The following SGK1 variants were observed in gnomAD, a reference collection of about 807,000 sequenced individuals.
The protein encoded by SGK1 is serum/glucocorticoid regulated kinase 1.
A neutral mutation model predicts 64.2 loss-of-function variants in SGK1; 26 were observed. That is an observed-to-expected ratio of 0.40 (90% CI 0.30 to 0.56). The LOEUF (loss-of-function observed/expected upper bound fraction) is 0.56. Among genes scored for constraint, SGK1 ranks in the 20% least tolerant of loss-of-function variants. The pLI is 0.38. For synonymous variants in SGK1, 265 were observed against 239.7 expected, an observed-to-expected ratio of 1.11 and a Z score of -0.98; for missense variants, 519 against 645.6, an observed-to-expected ratio of 0.80 and a Z score of 2.12.
At chr6:134,185,147 G>A (rs533408212) in intron 3 of SGK1, among the ~76,000 whole-genome samples, 3 of 152,326 alleles carry the variant, frequency 2.0e-5, no homozygotes, top group African/African-American at 7.2e-5. Context: ...GTATGCCATT[G>A]TAACCTGTTT....
At position 134,175,285 on chromosome 6, in the gene SGK1, G is replaced by A. The variant is rs374019115; in HGVS notation, c.362-699C>T. On this transcript the variant is annotated intron_variant, in intron 3 of 13. Transcript: ENST00000367858. The stretch of plus-strand genomic sequence containing the variant: ...CACGGTGGCTTCGCTCACTGTCCCT[G>A]CAGATACCCTCTCCCCGGCCAGGCG... Among the ~76,000 whole-genome samples the A allele has an allele frequency of 3.5e-4, 54 of 152,216 alleles. No homozygotes were observed. The East Asian group carries it at 8.2e-3, about 23-fold the overall frequency.
chr6:134,171,347 C>CGT (rs995295582), intron 11 of SGK1, 169 bp from the exon 12 acceptor site: 12 of 682,248 alleles, frequency 1.8e-5, no homozygotes, highest in Non-Finnish European at 3.0e-5. Flanking sequence ...CTTTGCAACC[C>CGT]GTGTGTGTGT....
intron 2 of SGK1, among the ~76,000 whole-genome samples, chr6:134,252,571 T>C (rs1458425399): frequency 1.6e-5 from 2 of 121,994 alleles, no homozygotes; most frequent in Non-Finnish European, 3.2e-5. Flanking sequence ...AAAAATTGAT[T>C]GCGCCACTGC....
intron 2 of SGK1, among the ~76,000 whole-genome samples, chr6:134,219,531 C>A (rs190698658): frequency 6.6e-6 from 1 of 151,956 alleles, no homozygotes; most frequent in Non-Finnish European, 1.5e-5. Flanking sequence ...GAGGCTGAGG[C>A]GAGCAGATCA....
intron 2 of SGK1, among the ~76,000 whole-genome samples, chr6:134,244,834 G>C (rs1284567696): frequency 2.0e-5 from 3 of 152,188 alleles, no homozygotes; most frequent in African/African-American, 7.2e-5. Context: ...GGAGTGCAAT[G>C]GCGCAATCTT....
intron 3 of SGK1, among the ~76,000 whole-genome samples, chr6:134,201,430 C>T (rs543851072): frequency 1.5e-4 from 23 of 151,902 alleles, no homozygotes; most frequent in Non-Finnish European, 2.4e-4. Flanking sequence ...GGCCCAATCT[C>T]GGCTCATTGC....
chr6:134,271,082 C>T (rs1279028854), intron 1 of SGK1, among the ~76,000 whole-genome samples: 6 of 144,486 alleles, frequency 4.2e-5, no homozygotes, highest in Non-Finnish European at 1.5e-5. Context: ...TTTGGGAGGC[C>T]GAGGCAGGCA....
intron 3 of SGK1, among the ~76,000 whole-genome samples, chr6:134,206,362 TATATATATATATATATATATA>T (rs1562250293): frequency 2.4e-3 from 17 of 6,964 alleles, no homozygotes; most frequent in African/African-American, 6.0e-3. Flanking sequence ...TATATATATA[TATATATATATATATATATATA>T]TTTTTTTTTT....
chr6:134,186,165 A>G (rs1374578211), intron 3 of SGK1, among the ~76,000 whole-genome samples: 2 of 152,222 alleles, frequency 1.3e-5, no homozygotes, highest in Admixed American at 1.3e-4. Context: ...GCCATTACAC[A>G]TCTCTTTGTA....
intron 4 of SGK1, 54 bp downstream of exon 4, chr6:134,174,457 C>T (rs2114639761): frequency 2.2e-6 from 3 of 1,346,358 alleles, no homozygotes; most frequent in South Asian, 1.2e-5. Flanking sequence ...AGAATGTTTA[C>T]CGCTGGCAAA....
At chr6:134,173,828 AAAAT>A (rs1366699615) in intron 5 of SGK1, 173 bp downstream of exon 5, 1 of 599,198 alleles carries the variant, frequency 1.7e-6, no homozygotes, top group African/African-American at 1.9e-5. Flanking sequence ...GCCCAGGAAA[AAAAT>A]AAAATAATAC....
intron 2 of SGK1, among the ~76,000 whole-genome samples, chr6:134,220,115 TAATTA>T (rs1280872447): frequency 1.4e-5 from 2 of 140,562 alleles, no homozygotes; most frequent in East Asian, 4.2e-4. Flanking sequence ...AAAACACATA[TAATTA>T]AATTATTAAG....
intron 3 of SGK1, among the ~76,000 whole-genome samples, chr6:134,185,566 G>A (rs1032371475): frequency 6.6e-6 from 1 of 151,534 alleles, no homozygotes; most frequent in East Asian, 1.9e-4. Context: ...GTGTGTGTGT[G>A]TGTGTGTGTG....
chr6:134,208,021 C>T (rs1775821962), intron 2 of SGK1, among the ~76,000 whole-genome samples: 1 of 152,184 alleles, frequency 6.6e-6, no homozygotes, highest in Admixed American at 6.5e-5. Context: ...AAGCGATTCT[C>T]CTGCCTCAGC....
chr6:134,174,871 G>C (rs749857691), intron 3 of SGK1: 37 of 1,609,518 alleles, frequency 2.3e-5, no homozygotes, highest in Non-Finnish European at 3.1e-5. Context: ...TGCTGCGCCA[G>C]GCCGCGCGCT....
At chr6:134,292,794 A>G (rs17063610) in intron 1 of SGK1, among the ~76,000 whole-genome samples, 10,176 of 152,238 alleles carry the variant, frequency 0.067, 450 homozygotes, top group Non-Finnish European at 0.094. Flanking sequence ...CTAGTCACTT[A>G]CTCTATCAAG....
chr6:134,190,877 T>C (rs1488878562), intron 3 of SGK1, among the ~76,000 whole-genome samples: 1 of 152,238 alleles, frequency 6.6e-6, no homozygotes, highest in Non-Finnish European at 1.5e-5. Flanking sequence ...CTAGGAATAA[T>C]AGTAAGTGTC....
At chr6:134,187,282 AT>A (rs1775440442) in intron 3 of SGK1, among the ~76,000 whole-genome samples, 1 of 152,168 alleles carries the variant, frequency 6.6e-6, no homozygotes, top group Non-Finnish European at 1.5e-5. Flanking sequence ...GTTCAATGGA[AT>A]CATTGTTGTG....
At chr6:134,214,717 AT>A (rs1325913733) in intron 2 of SGK1, among the ~76,000 whole-genome samples, 2 of 152,200 alleles carry the variant, frequency 1.3e-5, no homozygotes, top group Non-Finnish European at 2.9e-5. Flanking sequence ...AAAAGATACC[AT>A]TTCAAACTGT....
Sources: allele counts gnomAD v4.1 joint callset (sites outside exome capture counted in the v4.1 genomes callset), GRCh38; gene constraint gnomAD v4.1.1; transcripts MANE v1.5; gene names NCBI Gene and HGNC (gene_info 2026-07-23, HGNC 2026-07-21).